Variants in SLC38A6 observed in about 807,000 individuals in gnomAD.
SLC38A6 encodes N system amino acid transporter NAT-1.
In SLC38A6, 73 loss-of-function variants were observed where a neutral mutation model predicts 65.0. The ratio of observed to expected loss-of-function variants is 1.12; its 90% confidence interval spans 0.93 to 1.37. The LOEUF (loss-of-function observed/expected upper bound fraction) is 1.37. SLC38A6 is among the 40% of genes most tolerant of loss of function. SLC38A6 has a pLI of 0.00. For missense variants in SLC38A6, 561 were observed against 531.1 expected (o/e 1.06, Z -0.55); for synonymous variants, 183 against 178.8 (o/e 1.02, Z -0.19).
chr14:60,996,604 A>G (rs765497365), intron 3 of SLC38A6, among the ~76,000 whole-genome samples: 3 of 152,220 alleles, frequency 2.0e-5, no homozygotes, highest in Non-Finnish European at 4.4e-5. Flanking sequence ...TAACTGAAGG[A>G]AATTAGTTTC....
chr14:61,037,801 G>T, intron 8 of SLC38A6, 118 bp downstream of exon 8: 1 of 614,348 alleles, frequency 1.6e-6, no homozygotes, highest in Admixed American at 3.6e-5. Context: ...ATTTCACTGT[G>T]TTATTAAAAG....
At chr14:61,079,982 C>A (rs531904694) in intron 16 of SLC38A6, among the ~76,000 whole-genome samples, 13 of 152,270 alleles carry the variant, frequency 8.5e-5, no homozygotes, top group Non-Finnish European at 1.5e-4. Context: ...ACACCTCTTT[C>A]TTATCCTCAC....
intron 5 of SLC38A6, among the ~76,000 whole-genome samples, chr14:61,022,006 C>T (rs2040367092): frequency 6.6e-6 from 1 of 152,138 alleles, no homozygotes; most frequent in Admixed American, 6.6e-5. Flanking sequence ...ACTGTCTTGG[C>T]TTCAGTTCCC....
chr14:61,069,006 G>A (rs1324831115), intron 15 of SLC38A6, among the ~76,000 whole-genome samples: 2 of 151,906 alleles, frequency 1.3e-5, no homozygotes, highest in African/African-American at 4.8e-5. Flanking sequence ...TCATCTCTTT[G>A]TGCCTGAAGT....
chr14:61,043,669 G>A (rs1445714185), intron 10 of SLC38A6, among the ~76,000 whole-genome samples, 166 bp downstream of exon 10: 3 of 151,042 alleles, frequency 2.0e-5, no homozygotes, highest in African/African-American at 7.3e-5. Context: ...TTTAACACAG[G>A]GTGGCCTATT....
At chr14:60,984,593 C>T in intron 2 of SLC38A6, 137 bp from the exon 3 acceptor site, 2 of 563,288 alleles carry the variant, frequency 3.6e-6, no homozygotes, top group African/African-American at 1.9e-5. Context: ...TCTTAATTTC[C>T]TTAATGAACA....
chr14:61,070,833 T>G lies in SLC38A6; in HGVS notation c.1291-7977T>G, dbSNP rs7141673. Among the ~76,000 whole-genome samples the G allele has an allele frequency of 7.7e-3, 1,173 of 152,334 alleles. 17 individuals carry two copies. The highest frequency in any genetic ancestry group is 0.027 in the African/African-American group (1,104 of 41,572). On this transcript the variant is annotated intron_variant, in intron 15 of 16. Transcript: ENST00000354886. Reference sequence around the variant, plus strand: ...TGATGTTGAGCATCTTCATATAATGTCTGGTCGTTTGTATGTCTTTGGGGA... The same window carrying G: ...TGATGTTGAGCATCTTCATATAATGGCTGGTCGTTTGTATGTCTTTGGGGA...
Position 61,069,861 on chromosome 14 carries a change from C to G in SLC38A6, c.1291-8949C>G, listed in dbSNP as rs368906157. Among the ~76,000 whole-genome samples, 8 of 152,130 alleles carry G rather than the reference C, an allele frequency of 5.3e-5. No individual in the cohort carries two copies. In the East Asian group the frequency reaches 7.7e-4, roughly 15 times the overall value. On this transcript the variant is annotated intron_variant, in intron 15 of 16. Transcript: ENST00000354886. ...ATCCAGTTTTCCTCCTTGGAAGCAA[C>G]CACTTTTACAACTTTCTGTGTTCTT...
At position 61,037,653 on chromosome 14, in the gene SLC38A6, A is replaced by G. The variant is rs1263943459; in HGVS notation, c.594A>G (p.Ser198=). The G allele has an allele frequency of 1.3e-6, 2 of 1,593,332 alleles. No homozygotes were observed. The highest frequency in any genetic ancestry group is 1.7e-6 in the Non-Finnish European group (2 of 1,166,622). ...TTCTTGGCTACACAAGTAGTTTATC[A>G]TTTTTCTTTATGATGTTCTTTGCTC... ...IGFLGYTSSL[S]FFFMMFFALV... Residue 198 remains serine (S), a synonymous_variant, in exon 8 of 16, where the codon TCA becomes TCG. Coordinates refer to ENST00000267488, the MANE Select transcript of SLC38A6 (RefSeq NM_153811.3).
chr14:61,072,484 T>C (rs2043263296), intron 15 of SLC38A6, among the ~76,000 whole-genome samples: 1 of 152,192 alleles, frequency 6.6e-6, no homozygotes, highest in African/African-American at 2.4e-5. Flanking sequence ...ATATTTTCTA[T>C]TTTTTTGTGC....
intron 8 of SLC38A6, among the ~76,000 whole-genome samples, chr14:61,038,957 A>G (rs940484882): frequency 2.0e-5 from 3 of 152,166 alleles, no homozygotes; most frequent in African/African-American, 7.2e-5. Context: ...GATTGTTGAG[A>G]AGTGTGGTTA....
At chr14:60,992,563 C>T (rs2037979423) in intron 3 of SLC38A6, among the ~76,000 whole-genome samples, 1 of 152,052 alleles carries the variant, frequency 6.6e-6, no homozygotes, top group Admixed American at 6.6e-5. Context: ...AAGAAAATAA[C>T]TTTAAATAGT....
chr14:61,021,136 C>A (rs375758369), intron 5 of SLC38A6, among the ~76,000 whole-genome samples: 1 of 152,074 alleles, frequency 6.6e-6, no homozygotes, highest in African/African-American at 2.4e-5. Context: ...GTTCCTTTAG[C>A]TCAAAAGTAT....
intron 15 of SLC38A6, among the ~76,000 whole-genome samples, chr14:61,075,485 C>A (rs958804055): frequency 6.6e-6 from 1 of 152,166 alleles, no homozygotes; most frequent in Non-Finnish European, 1.5e-5. Flanking sequence ...TGTGATTGAA[C>A]CAACTTTTCC....
chr14:61,073,648 T>G (rs182309916), intron 15 of SLC38A6, among the ~76,000 whole-genome samples: 1 of 152,282 alleles, frequency 6.6e-6, no homozygotes, highest in East Asian at 1.9e-4. Flanking sequence ...GATGAAAAAT[T>G]TTAAACATGA....
chr14:60,985,656 T>C (rs926270035), intron 3 of SLC38A6, among the ~76,000 whole-genome samples: 1 of 152,186 alleles, frequency 6.6e-6, no homozygotes, highest in African/African-American at 2.4e-5. Context: ...ACAAAATAGA[T>C]AAAAATGGAT....
Position 61,043,213 on chromosome 14 carries a change from G to A in SLC38A6, c.690+1G>A. 1.4e-6 allele frequency: 2 copies of A among 1,465,044 alleles called. No individual in the cohort carries two copies. The highest frequency in any genetic ancestry group is 1.9e-6 in the Non-Finnish European group (2 of 1,070,036). 90.8% of individuals were successfully genotyped at this position (1,465,044 alleles called of 1,614,324 possible). A position where few individuals can be genotyped will look rare whatever the true frequency, so the allele number is the denominator to read the frequency against. On this transcript the variant is annotated splice_donor_variant, in intron 9 of 15. Coordinates refer to ENST00000267488, the MANE Select transcript of SLC38A6 (RefSeq NM_153811.3). LOFTEE classifies it high-confidence loss of function. ...AAATTATGTAGAGAAAGGTTTCCAG[G>A]TAATAGCTTATATTTTCTTTTCAGT...
chr14:61,048,026 C>A (rs1038969346), intron 12 of SLC38A6: 5 of 356,624 alleles, frequency 1.4e-5, no homozygotes, highest in East Asian at 7.9e-5. Flanking sequence ...TACATACATA[C>A]ATAAATAGAA....
intron 1 of SLC38A6, chr14:60,982,062 T>G (rs2037083089): frequency 4.7e-6 from 2 of 429,376 alleles, no homozygotes; most frequent in Admixed American, 5.1e-5. Context: ...TTGGTAGAAC[T>G]AATTCATTAG....
Sources: allele counts gnomAD v4.1 joint callset (sites outside exome capture counted in the v4.1 genomes callset), GRCh38; gene constraint gnomAD v4.1.1; transcripts MANE v1.5; gene names NCBI Gene and HGNC (gene_info 2026-07-23, HGNC 2026-07-21).